COL22A1: variants seen among roughly 807,000 people sequenced by gnomAD.
COL22A1 encodes collagen type XXII alpha 1 chain.
Under a neutral mutation model 248.9 loss-of-function variants are expected in COL22A1, and 221 were observed. The ratio of observed to expected loss-of-function variants is 0.89; its 90% CI spans 0.80 to 0.99. COL22A1 has a LOEUF of 0.99. Ranked by LOEUF, COL22A1 falls within the 50% of genes least tolerant of loss-of-function variation. COL22A1 has a pLI of 0.00. For synonymous variants in COL22A1, 891 were observed against 793.4 expected, an observed-to-expected ratio of 1.12 and a Z score of -2.07; for missense variants, 2,240 against 2,179.0, an observed-to-expected ratio of 1.03 and a Z score of -0.56.
At chr8:138,907,334 T>C (rs932070921) in intron 1 of COL22A1, among the ~76,000 whole-genome samples, 2 of 152,230 alleles carry the variant, frequency 1.3e-5, no homozygotes, top group African/African-American at 4.8e-5. Context: ...GTGCAGTGTC[T>C]AGCAAATTCA....
intron 3 of COL22A1, among the ~76,000 whole-genome samples, chr8:138,863,506 T>C (rs1418440998): frequency 3.9e-5 from 6 of 152,072 alleles, no homozygotes; most frequent in Admixed American, 3.9e-4. Flanking sequence ...GGTACATGGA[T>C]CATAGTCTCT....
rs192282843 is a variant in COL22A1, at chr8:138,890,878, C to T, written c.-72-7634G>A. ...AATACAAAGAAAAAAAAAAAACTAG[C>T]CGGGCATGGCAGCATGAGCCTGTAG... is the stretch of plus-strand genomic sequence containing the variant. On this transcript the variant is annotated intron_variant, in intron 1 of 64. Transcript: ENST00000303045. Among the ~76,000 whole-genome samples, 5 of 151,980 alleles carry T rather than the reference C, an allele frequency of 3.3e-5. No homozygotes were observed. In the East Asian group the frequency reaches 7.8e-4, roughly 24 times the overall value.
chr8:138,637,921 A>C (rs1351433186), intron 47 of COL22A1, among the ~76,000 whole-genome samples: 1 of 152,104 alleles, frequency 6.6e-6, no homozygotes, highest in African/African-American at 2.4e-5. Context: ...CAACATCAGC[A>C]CCACCAGAGC....
chr8:138,851,359 A>G (rs1376384219), intron 3 of COL22A1, among the ~76,000 whole-genome samples: 1 of 152,184 alleles, frequency 6.6e-6, no homozygotes, highest in African/African-American at 2.4e-5. Flanking sequence ...GAGGGACAGG[A>G]GAGGAATGGG....
rs892091079 is a variant in COL22A1 at position 138,682,381 on chromosome 8, C to T, written c.3012+2044G>A. Among the ~76,000 whole-genome samples the T allele has an allele frequency of 9.8e-5, 15 of 152,312 alleles. No individual in the cohort carries two copies. In the East Asian group the frequency reaches 2.9e-3, roughly 29 times the overall value. On this transcript the variant is annotated intron_variant, in intron 39 of 64. Coordinates refer to ENST00000303045, the MANE Select transcript of COL22A1 (RefSeq NM_152888.3). ...AAACTTTAAAAATTGTTTTCATAGA[C>T]ATATGCAAGTACAAAAGAAGTAATA...
intron 6 of COL22A1, among the ~76,000 whole-genome samples, chr8:138,824,534 C>G (rs1396051184): frequency 6.6e-6 from 1 of 152,194 alleles, no homozygotes; most frequent in Non-Finnish European, 1.5e-5. Context: ...CAAAAAGTCC[C>G]TAGACTGGCC....
intron 9 of COL22A1, among the ~76,000 whole-genome samples, chr8:138,809,522 C>CTTTTTTTTTTTTTTTT (rs1405048013): frequency 6.4e-5 from 5 of 77,980 alleles, no homozygotes; most frequent in African/African-American, 2.6e-4. Flanking sequence ...CTCTTTTTTT[C>CTTTTTTTTTTTTTTTT]TTTTTCTTTT....
At chr8:138,660,193 A>G (rs1233540341) in intron 44 of COL22A1, among the ~76,000 whole-genome samples, 1 of 152,180 alleles carries the variant, frequency 6.6e-6, no homozygotes, top group Non-Finnish European at 1.5e-5. Context: ...CCGAGCTCCT[A>G]TGTGCAATCC....
At chr8:138,856,752 G>A (rs1485479513) in intron 3 of COL22A1, among the ~76,000 whole-genome samples, 1 of 152,172 alleles carries the variant, frequency 6.6e-6, no homozygotes, top group South Asian at 2.1e-4. Context: ...TTTTGTGTGG[G>A]CGGCCTGTGG....
chr8:138,724,564 A>G, intron 25 of COL22A1, 51 bp downstream of exon 25: 1 of 1,548,608 alleles, frequency 6.5e-7, no homozygotes, highest in East Asian at 2.3e-5. Flanking sequence ...CTCCCCCCAG[A>G]GCAATGGGGA....
At chr8:138,684,145 T>C (rs1359908947) in intron 39 of COL22A1, among the ~76,000 whole-genome samples, 1 of 151,588 alleles carries the variant, frequency 6.6e-6, no homozygotes, top group Non-Finnish European at 1.5e-5. Flanking sequence ...ATCCCTGTAG[T>C]CCCAGCTACT....
rs568342303 is a variant in COL22A1, at chr8:138,780,780, T to G, written c.1650+147A>C. ...TGTCACAGCTATTAGGCTGAGCTCC[T>G]GGTATCTGCGAGGATCCTAATATAA... is the stretch of plus-strand genomic sequence containing the variant. On this transcript the variant is annotated intron_variant, in intron 13 of 64. Transcript: ENST00000303045. 9.2e-5 allele frequency: 66 copies of G among 721,232 alleles called. No individual in the cohort carries two copies. In the African/African-American group the frequency reaches 1.0e-3, roughly 11 times the overall value. The allele number at this position is 721,232 out of a possible 1,614,324, so 44.7% of individuals were successfully genotyped here.
At chr8:138,908,847 CAG>C (rs1458630020) in intron 1 of COL22A1, among the ~76,000 whole-genome samples, 1 of 152,140 alleles carries the variant, frequency 6.6e-6, no homozygotes, top group Non-Finnish European at 1.5e-5. Context: ...ATGGCAGTGG[CAG>C]AGAGAGTGCT....
At chr8:138,789,751 G>A (rs59232134) in intron 12 of COL22A1, among the ~76,000 whole-genome samples, 1,790 of 152,278 alleles carry the variant, frequency 0.012, 35 homozygotes, top group African/African-American at 0.04. Flanking sequence ...TGCAGGCTTG[G>A]CCCCACTTAC....
chr8:138,805,890 G>A (rs1164467759), intron 10 of COL22A1, among the ~76,000 whole-genome samples: 3 of 148,954 alleles, frequency 2.0e-5, no homozygotes, highest in Non-Finnish European at 4.5e-5. Context: ...GTGTGATGGT[G>A]TATTATGGTG....
rs1418290576 is a variant in COL22A1 at position 138,663,725 on chromosome 8, G to A, written c.3166C>T (p.Pro1056Ser). Reference protein sequence around the residue: ...VAGPPGPSGPPGDKGSPGSRG... With the variant: ...VAGPPGPSGPSGDKGSPGSRG... ...TGTACCGGGGATCCTTTGTCTCCTG[G>A]TGGTCCGGAAGGGCCCTAGAAACAA... Residue 1056 changes from proline (P) to serine (S), a missense_variant, in exon 42 of 65, where the codon CCA (proline) becomes TCA (serine). Physicochemically the swap from Pro to Ser is moderately conservative, Grantham distance 74. Coordinates refer to ENST00000303045, the MANE Select transcript of COL22A1 (RefSeq NM_152888.3). The A allele has an allele frequency of 1.9e-6, 3 of 1,611,272 alleles. No homozygotes were observed. In the African/African-American group the frequency reaches 4.0e-5, roughly 22 times the overall value.
intron 64 of COL22A1, among the ~76,000 whole-genome samples, chr8:138,590,309 T>C (rs1298582907): frequency 6.6e-6 from 1 of 152,202 alleles, no homozygotes; most frequent in African/African-American, 2.4e-5. Context: ...ATTAATGCTT[T>C]GGTAATAGCT....
intron 4 of COL22A1, among the ~76,000 whole-genome samples, chr8:138,841,023 TTGTC>T (rs1474984562): frequency 1.3e-4 from 20 of 152,206 alleles, no homozygotes; most frequent in African/African-American, 4.3e-4. Flanking sequence ...GTTTGTTCAT[TTGTC>T]TGTCTGCCTT....
intron 1 of COL22A1, among the ~76,000 whole-genome samples, chr8:138,904,382 C>A (rs911372509): frequency 3.9e-5 from 6 of 152,090 alleles, no homozygotes; most frequent in African/African-American, 1.4e-4. Flanking sequence ...CTGGCCCAAC[C>A]CCTGCGGCCT....
Sources: gnomAD v4.1 joint callset for allele counts (sites outside exome capture counted in the v4.1 genomes callset) on GRCh38, gnomAD v4.1.1 for gene constraint, MANE v1.5 for transcripts, NCBI Gene and HGNC (gene_info 2026-07-23, HGNC 2026-07-21) for gene names.